Variants in DENND4A observed in about 807,000 individuals in gnomAD.
DENND4A encodes the protein C-myc promoter-binding protein.
A neutral mutation model predicts 199.3 loss-of-function variants in DENND4A; 70 were observed. That is an observed-to-expected ratio of 0.35 (90% confidence interval 0.29 to 0.43). DENND4A has a LOEUF of 0.43. Among genes scored for constraint, DENND4A ranks in the 20% least tolerant of loss-of-function variants. DENND4A has a pLI of 1.00. For synonymous variants in DENND4A, 686 were observed against 766.9 expected, an observed-to-expected ratio of 0.89 and a Z score of 1.74; for missense variants, 1,723 against 2,255.8, an observed-to-expected ratio of 0.76 and a Z score of 4.78.
chr15:65,788,678 C>A (rs1279202149), intron 1 of DENND4A, among the ~76,000 whole-genome samples: 2 of 151,658 alleles, frequency 1.3e-5, no homozygotes, highest in African/African-American at 2.4e-5. Context: ...GGCAACATGG[C>A]AAAACCCCAT....
intron 14 of DENND4A, among the ~76,000 whole-genome samples, chr15:65,709,412 A>G (rs1481675069): frequency 6.6e-6 from 1 of 152,166 alleles, no homozygotes. Flanking sequence ...AACTTTATTA[A>G]GATACATTTT....
At chr15:65,686,051 C>T (rs761077917) in intron 23 of DENND4A, among the ~76,000 whole-genome samples, 1 of 152,142 alleles carries the variant, frequency 6.6e-6, no homozygotes, top group Non-Finnish European at 1.5e-5. Context: ...TTGTCAAATT[C>T]TACAAAATCC....
chr15:65,763,199 G>C (rs2140781756), intron 1 of DENND4A, among the ~76,000 whole-genome samples: 1 of 152,208 alleles, frequency 6.6e-6, no homozygotes, highest in East Asian at 1.9e-4. Context: ...CTTCTGCGGG[G>C]AAACAAGCAC....
chr15:65,758,418 A>G (rs2076769008), intron 2 of DENND4A, among the ~76,000 whole-genome samples: 1 of 152,124 alleles, frequency 6.6e-6, no homozygotes, highest in Non-Finnish European at 1.5e-5. Flanking sequence ...GGCTCAAGCA[A>G]TCCTCCTGCC....
chr15:65,790,614 T>C (rs2077690158), intron 1 of DENND4A, among the ~76,000 whole-genome samples: 1 of 152,180 alleles, frequency 6.6e-6, no homozygotes, highest in African/African-American at 2.4e-5. Flanking sequence ...CTGAGAGCTG[T>C]GGTTCAAAGG....
rs182119018 is a variant in DENND4A at position 65,690,619 on chromosome 15, A to C, written c.3975T>G (p.Ser1325=). ...GGCAAGTAGGTGAGAAGGCTGGAGA[A>C]GACCAAAGTCTATCCCTTGGTTTCT... The part of the protein sequence containing the change: ...SEEKPRDRLW[S]SPAFSPTCPF... Residue 1325 remains serine, a synonymous_variant, in exon 23 of 33, where the codon TCT becomes TCG. Transcript: ENST00000443035. 6.2e-7 allele frequency: 1 copy of C among 1,613,732 alleles called. No individual in the cohort carries two copies. The highest frequency in any genetic ancestry group is 1.1e-5 in the South Asian group (1 of 91,070).
Position 65,660,002 on chromosome 15 carries a change from C to T in DENND4A, c.*1849G>A. The T allele has an allele frequency of 6.1e-6, 2 of 329,926 alleles. No homozygotes were observed. Among genetic ancestry groups the T allele is most frequent in the Non-Finnish European group, 1.1e-5 (2 of 180,914 alleles). The allele number at this position is 329,926 out of a possible 1,614,324, so 20.4% of individuals were successfully genotyped here. ...ACCACCAACCACAAATAGAAGAGAACCCCAGACGGTTCTCTTGGAGGGATG... is the reference window on the plus strand; with the variant it reads ...ACCACCAACCACAAATAGAAGAGAATCCCAGACGGTTCTCTTGGAGGGATG... On this transcript the variant is annotated 3_prime_UTR_variant, in exon 33 of 33. Coordinates refer to ENST00000443035, the MANE Select transcript of DENND4A (RefSeq NM_001320835.1).
intron 1 of DENND4A, among the ~76,000 whole-genome samples, chr15:65,781,930 G>A (rs2077445457): frequency 6.6e-6 from 1 of 152,206 alleles, no homozygotes; most frequent in Admixed American, 6.5e-5. Flanking sequence ...ATGGGACAGA[G>A]TTTCTTGAGA....
chr15:65,734,517 T>C (rs1372658664), intron 7 of DENND4A, among the ~76,000 whole-genome samples: 1 of 152,154 alleles, frequency 6.6e-6, no homozygotes, highest in African/African-American at 2.4e-5. Flanking sequence ...CGGGTCCCCT[T>C]ATTTCTTTCT....
chr15:65,787,029 A>C (rs2077583951), intron 1 of DENND4A, among the ~76,000 whole-genome samples: 1 of 152,206 alleles, frequency 6.6e-6, no homozygotes, highest in Admixed American at 6.5e-5. Flanking sequence ...TGATATAAAT[A>C]GTTATTTTAA....
intron 23 of DENND4A, among the ~76,000 whole-genome samples, chr15:65,683,746 T>A (rs923769525): frequency 6.6e-6 from 1 of 152,192 alleles, no homozygotes; most frequent in Non-Finnish European, 1.5e-5. Flanking sequence ...GGGGCTTAAT[T>A]TTCATGTCAT....
Position 65,690,516 on chromosome 15 carries a change from G to A in DENND4A, c.4078C>T (p.Leu1360=). Residue 1360 remains leucine (L), a synonymous_variant, in exon 23 of 33, where the codon CTA becomes TTA. Coordinates refer to ENST00000443035, the MANE Select transcript of DENND4A (RefSeq NM_001320835.1). ...FNLDTLLVPK[L]DVLRNSMFTA... ...AACATACTGTTTCTTAGAACATCTA[G>A]TTTAGGTACTAGTAGTGTATCTAAG... 1 of 1,613,352 alleles carries A rather than the reference G, an allele frequency of 6.2e-7. No individual in the cohort carries two copies. The highest frequency in any genetic ancestry group is 1.1e-5 in the South Asian group (1 of 91,036).
intron 1 of DENND4A, among the ~76,000 whole-genome samples, chr15:65,772,775 A>C (rs1294040494): frequency 6.7e-6 from 1 of 150,128 alleles, no homozygotes; most frequent in Non-Finnish European, 1.5e-5. Context: ...GACCAAGCAC[A>C]CAGATTGGTC....
intron 2 of DENND4A, among the ~76,000 whole-genome samples, chr15:65,760,392 G>A (rs2076822812): frequency 6.6e-6 from 1 of 152,126 alleles, no homozygotes; most frequent in Non-Finnish European, 1.5e-5. Flanking sequence ...CAGCTACTCA[G>A]GAGGCTGAGG....
chr15:65,788,377 C>A (rs12898708), intron 1 of DENND4A, among the ~76,000 whole-genome samples: 1 of 151,924 alleles, frequency 6.6e-6, no homozygotes, highest in African/African-American at 2.4e-5. Flanking sequence ...GCCTGGCCAG[C>A]GCTGGTTAAG....
At position 65,732,792 on chromosome 15, in the gene DENND4A, A is replaced by G; in HGVS notation, c.1067T>C (p.Val356Ala). 6.2e-7 allele frequency: 1 copy of G among 1,604,632 alleles called. No homozygotes were observed. The highest frequency in any genetic ancestry group is 8.5e-7 in the Non-Finnish European group (1 of 1,172,604). ...EKHISHFMHK[V>A]PFPSPQRPRI... ...TGGTCTCTGAGGAGATGGAAAAGGAACTTTATGCATAAAATGAGAAATATG... is the reference window on the plus strand; with the variant it reads ...TGGTCTCTGAGGAGATGGAAAAGGAGCTTTATGCATAAAATGAGAAATATG... The change falls in exon 8 of 33, where the codon GTT (valine) becomes GCT (alanine). Residue 356 changes from valine to alanine, a missense_variant. By Grantham distance (64) the Val-to-Ala change is moderately conservative. Around this residue, in one of 6 missense-constraint regions of DENND4A, gnomAD observed 725 missense variants for 952.9 expected, o/e 0.76. Coordinates refer to ENST00000443035, the MANE Select transcript of DENND4A (RefSeq NM_001320835.1).
Position 65,664,405 on chromosome 15 carries a change from A to G in DENND4A, c.5523-11T>C, listed in dbSNP as rs563444672. The stretch of plus-strand genomic sequence containing the variant: ...TCTCTGTATAAACTCCTAGGGAGAA[A>G]AAGTCATGGAGAAAATATTAGTATC... On this transcript the variant is annotated splice_polypyrimidine_tract_variant and intron_variant, in intron 31 of 32. Transcript: ENST00000443035. 3.8e-6 allele frequency: 6 copies of G among 1,587,078 alleles called. No individual in the cohort carries two copies. The highest frequency in any genetic ancestry group is 1.4e-5 in the African/African-American group (1 of 73,634).
chr15:65,698,928 G>T (rs1055861574), intron 20 of DENND4A, among the ~76,000 whole-genome samples: 4 of 151,810 alleles, frequency 2.6e-5, no homozygotes, highest in Admixed American at 2.6e-4. Flanking sequence ...AGTAGAGATG[G>T]TGTTTCGCCA....
chr15:65,665,577 A>G lies in DENND4A; in HGVS notation c.5242-115T>C, dbSNP rs1322019263. The stretch of plus-strand genomic sequence containing the variant: ...TGTATATGTGCGAGACAGAAAAGAG[A>G]ACAGAAAAAGACTGATTTATCTACA... On this transcript the variant is annotated intron_variant, in intron 29 of 32. Transcript: ENST00000443035. 3 of 735,056 alleles carry G rather than the reference A, an allele frequency of 4.1e-6. No individual in the cohort carries two copies. In the East Asian group the frequency reaches 8.8e-5, roughly 21 times the overall value. 45.5% of individuals were successfully genotyped at this position (735,056 alleles called of 1,614,324 possible).
Sources: allele counts gnomAD v4.1 joint callset (sites outside exome capture counted in the v4.1 genomes callset), GRCh38; gene constraint gnomAD v4.1.1; regional missense constraint gnomAD v4.1.1; transcripts MANE v1.5; gene names NCBI Gene and HGNC (gene_info 2026-07-23, HGNC 2026-07-21).